The following MEIS3 variants were observed in gnomAD, a reference collection of about 807,000 sequenced individuals.
MEIS3 encodes the protein homeobox protein Meis3.
MEIS3 carries 38 observed loss-of-function variants against 51.4 expected under a neutral mutation model. The observed-to-expected ratio is 0.74, with a 90% CI of 0.57 to 0.97. MEIS3 has a LOEUF of 0.97. Ranked by LOEUF, MEIS3 falls within the 50% of genes least tolerant of loss-of-function variation. The probability of loss-of-function intolerance (pLI) is 0.00; values close to 1 mark genes in which losing one functional copy is unlikely to be tolerated. For missense variants in MEIS3, 456 were observed against 502.6 expected, an observed-to-expected ratio of 0.91 and a Z score of 0.89; for synonymous variants, 198 against 201.8, an observed-to-expected ratio of 0.98 and a Z score of 0.16.
At chr19:47,421,883 C>A (rs374216340), upstream of MEIS3, among the ~76,000 whole-genome samples, 19 of 151,864 alleles carry the variant, frequency 1.3e-4, no homozygotes, top group Middle Eastern at 3.4e-3. Context: ...CCTTCCTCTC[C>A]CTCTCTCCGC....
In MEIS3 at chr19:47,416,733, A is replaced by T. The variant is rs769765818; in HGVS notation, c.346-31T>A. ...AGGGAAGAGAGAGGCCGGCAGGGGG[A>T]TGTCCCGCCTTCCACCCACCCCTCC... On this transcript the variant is annotated intron_variant, in intron 3 of 12. Transcript: ENST00000558555. The T allele has an allele frequency of 3.7e-6, 6 of 1,608,166 alleles. No homozygotes were observed. In the Admixed American group the frequency reaches 6.8e-5, roughly 18 times the overall value.
chr19:47,418,974 G>T (rs1373736112), intron 1 of MEIS3, 96 bp downstream of exon 1: 3 of 783,328 alleles, frequency 3.8e-6, no homozygotes, highest in Non-Finnish European at 5.2e-6. Flanking sequence ...TGTAGAGGAC[G>T]GATGGGCTAA....
At chr19:47,410,557 G>T (rs1357471760) in intron 6 of MEIS3, among the ~76,000 whole-genome samples, 2 of 151,908 alleles carry the variant, frequency 1.3e-5, no homozygotes, top group African/African-American at 2.4e-5. Flanking sequence ...ACAAGGTCAG[G>T]AGATCGAGAC....
intron 6 of MEIS3, among the ~76,000 whole-genome samples, chr19:47,410,975 C>T (rs1054762272): frequency 2.0e-5 from 3 of 152,080 alleles, no homozygotes; most frequent in African/African-American, 4.8e-5. Flanking sequence ...CTCACTCTGT[C>T]GCCCAGGCTG....
At chr19:47,404,280 C>T (rs149919237) in intron 12 of MEIS3, among the ~76,000 whole-genome samples, 1 of 152,232 alleles carries the variant, frequency 6.6e-6, no homozygotes, top group Non-Finnish European at 1.5e-5. Context: ...CTGACACTCA[C>T]CCCAGACCAT....
rs751421728 is a variant in MEIS3, at chr19:47,407,379, C to G, written c.908G>C (p.Gly303Ala). The change falls in exon 9 of 13, where the codon GGG (glycine) becomes GCG (alanine). Residue 303 changes from glycine to alanine, a missense_variant. By Grantham distance (60) the Gly-to-Ala change is moderately conservative. Coordinates refer to ENST00000558555, the MANE Select transcript of MEIS3 (RefSeq NM_001301059.2). ...EQKKQLAQDT[G>A]LTILQVNNWF... Reference sequence around the variant, plus strand: ...GTTGTTGACTTGCAGGATGGTGAGCCCCGTGTCCTGCGCCAGCTGTTTCTT... The same window carrying G: ...GTTGTTGACTTGCAGGATGGTGAGCGCCGTGTCCTGCGCCAGCTGTTTCTT... 1 of 1,613,580 alleles carries G rather than the reference C, an allele frequency of 6.2e-7. No homozygotes were observed. The highest frequency in any genetic ancestry group is 8.5e-7 in the Non-Finnish European group (1 of 1,179,868).
In MEIS3 at chr19:47,416,924, T is replaced by A; in HGVS notation, c.225A>T (p.Lys75Asn). The A allele has an allele frequency of 5.0e-6, 8 of 1,608,812 alleles. No individual in the cohort carries two copies. Among genetic ancestry groups the A allele is most frequent in the Non-Finnish European group, 6.8e-6 (8 of 1,177,612 alleles). The change falls in exon 3 of 13, where the codon AAA becomes AAT. Residue 75 changes from lysine (K) to asparagine (N), a missense_variant. Coordinates refer to ENST00000558555, the MANE Select transcript of MEIS3 (RefSeq NM_001301059.2). ...GGGGAGAGCATGTAGCCAGTTCACATTTCTCAAAGACCAGGGCCAAGAGGG... is the reference window on the plus strand; with the variant it reads ...GGGGAGAGCATGTAGCCAGTTCACAATTCTCAAAGACCAGGGCCAAGAGGG... The part of the protein sequence containing the change: ...LFPLLALVFE[K>N]CELATCSPRD...
At chr19:47,406,423 G>C in intron 12 of MEIS3, 37 bp downstream of exon 12, 1 of 1,578,168 alleles carries the variant, frequency 6.3e-7, no homozygotes. Flanking sequence ...ATGGAGGTTT[G>C]AGAATTGCAC....
chr19:47,420,409 C>T (rs1355401669), upstream of MEIS3, among the ~76,000 whole-genome samples: 1 of 141,638 alleles, frequency 7.1e-6, no homozygotes, highest in African/African-American at 2.7e-5. Context: ...CCTCATCTGA[C>T]GGCCAGTGGT....
Position 47,406,543 on chromosome 19 carries a change from AAGG to A in MEIS3, c.1079-20_1079-18del. 2 of 1,613,952 alleles carry A rather than the reference AAGG, an allele frequency of 1.2e-6. No homozygotes were observed. The highest frequency in any genetic ancestry group is 8.5e-7 in the Non-Finnish European group (1 of 1,179,852). On this transcript the variant is annotated intron_variant, in intron 11 of 12. Transcript: ENST00000558555. Reference sequence around the variant, plus strand: ...CCACTGATCCTGGAAGACAAAAAAAAAGGAGGGTAAGTGCGTCTTTCAGAGACA... The same window carrying A: ...CCACTGATCCTGGAAGACAAAAAAAAAGGGTAAGTGCGTCTTTCAGAGACA...
upstream of MEIS3, among the ~76,000 whole-genome samples, chr19:47,419,789 GTCTC>G (rs1288525369): frequency 6.6e-6 from 1 of 151,762 alleles, no homozygotes; most frequent in African/African-American, 2.4e-5. Flanking sequence ...CTCTCTCCTT[GTCTC>G]TCTCTGTCTC....
At chr19:47,421,806 T>C (rs1180561363), upstream of MEIS3, among the ~76,000 whole-genome samples, 2 of 151,430 alleles carry the variant, frequency 1.3e-5, no homozygotes, top group African/African-American at 2.4e-5. Flanking sequence ...CTGCCTCATC[T>C]TTCTTATCTC....
Position 47,416,714 on chromosome 19 carries a change from G to C in MEIS3, c.346-12C>G. ...CTCTCAGAGCGAACCTGGGAGGGAA[G>C]AGAGAGGCCGGCAGGGGGATGTCCC... On this transcript the variant is annotated splice_polypyrimidine_tract_variant and intron_variant, in intron 3 of 12. Coordinates refer to ENST00000558555, the MANE Select transcript of MEIS3 (RefSeq NM_001301059.2). 1 of 1,597,892 alleles carries C rather than the reference G, an allele frequency of 6.3e-7. No individual in the cohort carries two copies.
In MEIS3 at chr19:47,417,300, C is replaced by A; in HGVS notation, c.63G>T (p.Leu21=). The change falls in exon 2 of 13, where the codon CTG becomes CTT. Residue 21 remains leucine (L), a synonymous_variant. Transcript: ENST00000558555. ...CGGGCACTGTCTCTGGGAAGCTAGC[C>A]AGGGCTGCGGGGCCATCCACGATGC... is the stretch of plus-strand genomic sequence containing the variant. ...YPGIVDGPAA[L]ASFPETVPAV... 1 of 1,613,754 alleles carries A rather than the reference C, an allele frequency of 6.2e-7. No individual in the cohort carries two copies. The highest frequency in any genetic ancestry group is 8.5e-7 in the Non-Finnish European group (1 of 1,179,900).
At chr19:47,420,591 C>T (rs1397461166), upstream of MEIS3, among the ~76,000 whole-genome samples, 1 of 135,204 alleles carries the variant, frequency 7.4e-6, no homozygotes, top group Non-Finnish European at 1.5e-5. Flanking sequence ...CAGAGTGAGA[C>T]AGACAGGAGG....
intron 9 of MEIS3, 69 bp downstream of exon 9, chr19:47,407,283 C>T: frequency 6.4e-7 from 1 of 1,563,816 alleles, no homozygotes; most frequent in South Asian, 1.1e-5. Context: ...TCGGGGCCTC[C>T]GTCAGCACCG....
At chr19:47,422,126 C>T (rs962306169), upstream of MEIS3, among the ~76,000 whole-genome samples, 2 of 151,902 alleles carry the variant, frequency 1.3e-5, no homozygotes, top group Non-Finnish European at 2.9e-5. Context: ...GTGGCTCATT[C>T]GTCACCGGCC....
chr19:47,420,940 A>ACACACTCT (rs1187725467), upstream of MEIS3, among the ~76,000 whole-genome samples: 348 of 90,840 alleles, frequency 3.8e-3, 1 homozygote, highest in Middle Eastern at 7.0e-3. Flanking sequence ...ACACACACAC[A>ACACACTCT]CTCTCTCTCT....
At chr19:47,408,676 G>A (rs1194016016) in intron 8 of MEIS3, among the ~76,000 whole-genome samples, 3 of 152,094 alleles carry the variant, frequency 2.0e-5, no homozygotes, top group African/African-American at 7.2e-5. Context: ...CCTTGAAGCA[G>A]TATGGTGCGG....
Sources: allele counts gnomAD v4.1 joint callset (sites outside exome capture counted in the v4.1 genomes callset), GRCh38; gene constraint gnomAD v4.1.1; transcripts MANE v1.5; gene names NCBI Gene and HGNC (gene_info 2026-07-23, HGNC 2026-07-21).